The following LURAP1L variants were observed in gnomAD, a reference collection of about 807,000 sequenced individuals.
The protein encoded by LURAP1L is leucine rich adaptor protein 1-like.
In LURAP1L, 12 loss-of-function variants were observed where a neutral mutation model predicts 13.8. The ratio of observed to expected loss-of-function variants is 0.87; its 90% confidence interval spans 0.56 to 1.41. LURAP1L has a LOEUF of 1.41. LURAP1L is among the 40% of genes most tolerant of loss of function. The pLI is 0.00. For missense variants in LURAP1L, 375 were observed against 292.9 expected, an observed-to-expected ratio of 1.28 and a Z score of -2.04; for synonymous variants, 139 against 119.2, an observed-to-expected ratio of 1.17 and a Z score of -1.08.
At chr9:12,801,734 G>A (rs1371696878) in intron 1 of LURAP1L, among the ~76,000 whole-genome samples, 1 of 152,230 alleles carries the variant, frequency 6.6e-6, no homozygotes, top group South Asian at 2.1e-4. Context: ...AGACTTCAGG[G>A]AAATTTAAGA....
chr9:12,816,534 T>A (rs1191104532), intron 1 of LURAP1L, among the ~76,000 whole-genome samples: 1 of 152,172 alleles, frequency 6.6e-6, no homozygotes, highest in East Asian at 1.9e-4. Flanking sequence ...CCGACTGCAT[T>A]TTTTTCTTAG....
At chr9:12,807,850 G>A (rs1216395792) in intron 1 of LURAP1L, among the ~76,000 whole-genome samples, 1 of 151,090 alleles carries the variant, frequency 6.6e-6, no homozygotes, top group Non-Finnish European at 1.5e-5. Context: ...TCTTCTCTTG[G>A]CATATTAATT....
At chr9:12,808,747 G>A (rs900906100) in intron 1 of LURAP1L, among the ~76,000 whole-genome samples, 2 of 152,074 alleles carry the variant, frequency 1.3e-5, no homozygotes, top group African/African-American at 4.8e-5. Context: ...CAGATCTGTA[G>A]CTTTGTGTCT....
At chr9:12,804,346 A>ATTTTTTTTTTTTTT (rs5896539) in intron 1 of LURAP1L, among the ~76,000 whole-genome samples, 1 of 141,448 alleles carries the variant, frequency 7.1e-6, no homozygotes. Context: ...TTGTTATCTG[A>ATTTTTTTTTTTTTT]TTTTTTTTTT....
intron 1 of LURAP1L, among the ~76,000 whole-genome samples, chr9:12,818,554 T>C (rs948038230): frequency 5.9e-5 from 9 of 152,174 alleles, no homozygotes; most frequent in African/African-American, 2.2e-4. Flanking sequence ...ATTGGCAGTA[T>C]ATGACAGTAC....
At chr9:12,817,671 G>A (rs1819822175) in intron 1 of LURAP1L, among the ~76,000 whole-genome samples, 2 of 152,196 alleles carry the variant, frequency 1.3e-5, no homozygotes, top group South Asian at 2.1e-4. Context: ...CCAACAGAAG[G>A]AACCACACAG....
chr9:12,792,455 A>G (rs530210810), intron 1 of LURAP1L, among the ~76,000 whole-genome samples: 1 of 152,276 alleles, frequency 6.6e-6, no homozygotes, highest in African/African-American at 2.4e-5. Context: ...TCCTGAAGTT[A>G]TGAGGATACA....
At chr9:12,804,017 G>T (rs1187323461) in intron 1 of LURAP1L, among the ~76,000 whole-genome samples, 1 of 152,116 alleles carries the variant, frequency 6.6e-6, no homozygotes, top group African/African-American at 2.4e-5. Context: ...TTTCCTCATA[G>T]AATTCATTGT....
intron 1 of LURAP1L, among the ~76,000 whole-genome samples, chr9:12,786,581 T>TATATATATATATGTATAAAC (rs61134838): frequency 8.2e-6 from 1 of 121,438 alleles, no homozygotes; most frequent in Non-Finnish European, 1.8e-5. Flanking sequence ...TATATATATA[T>TATATATATATATGTATAAAC]AAACCCTTGT....
At chr9:12,810,440 T>C (rs905801130) in intron 1 of LURAP1L, among the ~76,000 whole-genome samples, 4 of 152,182 alleles carry the variant, frequency 2.6e-5, no homozygotes, top group African/African-American at 7.2e-5. Flanking sequence ...AACCTAAGCA[T>C]AGTTGTTGAT....
intron 1 of LURAP1L, among the ~76,000 whole-genome samples, chr9:12,820,978 T>C (rs996053200): frequency 2.0e-5 from 3 of 152,322 alleles, no homozygotes; most frequent in Middle Eastern, 6.8e-3. Context: ...ATGCTGAGGA[T>C]GACTCCTTAA....
At chr9:12,812,809 A>G (rs190227288) in intron 1 of LURAP1L, among the ~76,000 whole-genome samples, 1 of 152,324 alleles carries the variant, frequency 6.6e-6, no homozygotes, top group East Asian at 1.9e-4. Context: ...TTTTAGAAAT[A>G]TAGCCATCAA....
At chr9:12,783,300 C>G (rs890017211) in intron 1 of LURAP1L, among the ~76,000 whole-genome samples, 5 of 152,048 alleles carry the variant, frequency 3.3e-5, no homozygotes, top group South Asian at 2.1e-4. Context: ...TAGAGGAAAG[C>G]CTTTCAGTTT....
intron 1 of LURAP1L, among the ~76,000 whole-genome samples, chr9:12,812,652 A>G (rs1430635020): frequency 1.3e-5 from 2 of 152,180 alleles, no homozygotes; most frequent in African/African-American, 2.4e-5. Flanking sequence ...AGAAATTACT[A>G]AAAGAGAAGA....
chr9:12,781,959 G>C (rs1819278050), intron 1 of LURAP1L, among the ~76,000 whole-genome samples: 1 of 152,100 alleles, frequency 6.6e-6, no homozygotes, highest in Non-Finnish European at 1.5e-5. Flanking sequence ...TTATAACTGG[G>C]GTGAGATAAT....
chr9:12,819,312 T>G (rs572210322), intron 1 of LURAP1L, among the ~76,000 whole-genome samples: 1 of 152,210 alleles, frequency 6.6e-6, no homozygotes, highest in Non-Finnish European at 1.5e-5. Flanking sequence ...TTTTTTGTAT[T>G]CATAGATATA....
intron 1 of LURAP1L, among the ~76,000 whole-genome samples, chr9:12,819,652 C>A (rs1440044096): frequency 6.6e-6 from 1 of 152,096 alleles, no homozygotes; most frequent in Non-Finnish European, 1.5e-5. Flanking sequence ...GGACAGAAAT[C>A]GGTTTTTAAA....
intron 1 of LURAP1L, among the ~76,000 whole-genome samples, chr9:12,778,551 C>A (rs189979498): frequency 2.0e-4 from 31 of 152,290 alleles, no homozygotes; most frequent in Admixed American, 1.4e-3. Context: ...AGCAGCCCTA[C>A]ATGGATAATG....
intron 1 of LURAP1L, among the ~76,000 whole-genome samples, chr9:12,787,477 A>G (rs1819373772): frequency 6.6e-6 from 1 of 152,158 alleles, no homozygotes; most frequent in Admixed American, 6.6e-5. Context: ...TGAGGCAAAA[A>G]GACAGAGTCA....
Sources: allele counts gnomAD v4.1 joint callset (sites outside exome capture counted in the v4.1 genomes callset), GRCh38; gene constraint gnomAD v4.1.1; transcripts MANE v1.5; gene names NCBI Gene and HGNC (gene_info 2026-07-23, HGNC 2026-07-21).